The following TBC1D4 variants were observed in gnomAD, a reference collection of about 807,000 sequenced individuals.
The protein encoded by TBC1D4 is TBC1 domain family member 4.
Under a neutral mutation model 142.5 loss-of-function variants are expected in TBC1D4, and 121 were observed. The ratio of observed to expected loss-of-function variants is 0.85; its 90% CI spans 0.73 to 0.99. The LOEUF (loss-of-function observed/expected upper bound fraction) is 0.99, where lower values mean the gene tolerates loss of function less well. Among genes scored for constraint, TBC1D4 ranks in the 50% least tolerant of loss-of-function variants. The pLI is 0.00. For synonymous variants in TBC1D4, 630 were observed against 628.2 expected, an observed-to-expected ratio of 1.00 and a Z score of -0.04; for missense variants, 1,475 against 1,606.6, an observed-to-expected ratio of 0.92 and a Z score of 1.40.
At chr13:75,459,249 A>T (rs1008249779) in intron 1 of TBC1D4, among the ~76,000 whole-genome samples, 1 of 152,084 alleles carries the variant, frequency 6.6e-6, no homozygotes, top group Admixed American at 6.5e-5. Context: ...CTGCTCTTCA[A>T]ACTTCCCTGC....
intron 3 of TBC1D4, among the ~76,000 whole-genome samples, chr13:75,358,051 G>T (rs1386205552): frequency 6.6e-6 from 1 of 151,836 alleles, no homozygotes; most frequent in African/African-American, 2.4e-5. Context: ...TTCTCACCAG[G>T]AGGCTTGAGG....
At chr13:75,377,715 TA>T (rs1883598723) in intron 1 of TBC1D4, among the ~76,000 whole-genome samples, 2 of 148,972 alleles carry the variant, frequency 1.3e-5, no homozygotes, top group Admixed American at 1.3e-4. Context: ...TATATATATA[TA>T]TTTTCTGATT....
chr13:75,383,596 T>C (rs1883989346), intron 1 of TBC1D4, among the ~76,000 whole-genome samples: 1 of 152,214 alleles, frequency 6.6e-6, no homozygotes, highest in South Asian at 2.1e-4. Context: ...CACATTCACA[T>C]AATTTTTATT....
rs1874578572 is a variant in TBC1D4 at position 75,285,444 on chromosome 13, A to G, written c.*1348T>C. On this transcript the variant is annotated 3_prime_UTR_variant, in exon 21 of 21. Transcript: ENST00000377636. ...GCAAAAATGCTGCATCAACTTTCAG[A>G]GGCACTATCATAGAATCATCTCTGA... The G allele has an allele frequency of 6.6e-6, 1 of 152,310 alleles. No homozygotes were observed. The highest frequency in any genetic ancestry group is 2.4e-5 in the African/African-American group (1 of 41,470). The allele number at this position is 152,310 out of a possible 1,614,324, so 9.4% of individuals were successfully genotyped here.
chr13:75,351,357 T>C (rs1881568762), intron 4 of TBC1D4, among the ~76,000 whole-genome samples: 1 of 152,118 alleles, frequency 6.6e-6, no homozygotes, highest in Non-Finnish European at 1.5e-5. Flanking sequence ...CAATAAAGAA[T>C]GGCATCAATC....
intron 4 of TBC1D4, among the ~76,000 whole-genome samples, chr13:75,355,546 C>G (rs149642735): frequency 2.6e-5 from 4 of 152,126 alleles, no homozygotes; most frequent in Non-Finnish European, 5.9e-5. Flanking sequence ...CACAGCTCTA[C>G]GAATCTCTCC....
chr13:75,323,087 TTAAC>T (rs1455595120), intron 11 of TBC1D4, among the ~76,000 whole-genome samples: 3 of 152,172 alleles, frequency 2.0e-5, no homozygotes, highest in African/African-American at 7.2e-5. Flanking sequence ...TTAGTCTACT[TTAAC>T]TAGTGAGTGA....
chr13:75,410,161 T>A (rs569804806), intron 1 of TBC1D4, among the ~76,000 whole-genome samples: 2 of 152,324 alleles, frequency 1.3e-5, no homozygotes, highest in African/African-American at 2.4e-5. Context: ...CAATAAATGG[T>A]ACCTATAATT....
chr13:75,452,637 A>C (rs1887576782), intron 1 of TBC1D4, among the ~76,000 whole-genome samples: 1 of 152,244 alleles, frequency 6.6e-6, no homozygotes, highest in African/African-American at 2.4e-5. Context: ...TTGCATAACC[A>C]TTCCACAGAA....
At position 75,334,293 on chromosome 13, in the gene TBC1D4, A is replaced by G. The variant is rs1387735491; in HGVS notation, c.1731+2628T>C. Among the ~76,000 whole-genome samples the G allele has an allele frequency of 7.2e-5, 11 of 152,046 alleles. No individual in the cohort carries two copies. In the South Asian group the frequency reaches 1.9e-3, roughly 26 times the overall value. On this transcript the variant is annotated intron_variant, in intron 8 of 20. Transcript: ENST00000377636. Reference sequence around the variant, plus strand: ...GACACGTCACCATTTTTCTTTGAATATTTTCCTACTATCTAAAACACCAAG... The same window carrying G: ...GACACGTCACCATTTTTCTTTGAATGTTTTCCTACTATCTAAAACACCAAG...
chr13:75,419,500 G>T (rs569119841), intron 1 of TBC1D4, among the ~76,000 whole-genome samples: 2 of 152,062 alleles, frequency 1.3e-5, no homozygotes, highest in Non-Finnish European at 2.9e-5. Flanking sequence ...GGCATACCTC[G>T]AAGTTGTATA....
At chr13:75,305,410 G>T (rs535633253) in intron 15 of TBC1D4, among the ~76,000 whole-genome samples, 2 of 152,146 alleles carry the variant, frequency 1.3e-5, no homozygotes, top group Non-Finnish European at 2.9e-5. Flanking sequence ...GCCAAAAAAT[G>T]GTGTGATCTA....
intron 1 of TBC1D4, among the ~76,000 whole-genome samples, chr13:75,418,962 C>T (rs1231138859): frequency 6.6e-6 from 1 of 152,176 alleles, no homozygotes; most frequent in African/African-American, 2.4e-5. Context: ...GGACCAAAAA[C>T]CACATGTGGG....
chr13:75,434,851 A>G (rs1297306385), intron 1 of TBC1D4, among the ~76,000 whole-genome samples: 2 of 151,366 alleles, frequency 1.3e-5, no homozygotes, highest in African/African-American at 4.9e-5. Context: ...TTCAATTAAA[A>G]CATACACAAT....
intron 1 of TBC1D4, among the ~76,000 whole-genome samples, chr13:75,365,496 A>G (rs887970764): frequency 9.9e-5 from 15 of 152,206 alleles, no homozygotes; most frequent in African/African-American, 3.6e-4. Flanking sequence ...AATCATGAAA[A>G]TCTTGTATTG....
chr13:75,392,229 T>A (rs1036527107), intron 1 of TBC1D4, among the ~76,000 whole-genome samples: 1 of 152,218 alleles, frequency 6.6e-6, no homozygotes, highest in South Asian at 2.1e-4. Context: ...TATTTTAAAA[T>A]GCACACAAAA....
At chr13:75,289,826 T>TCCTA (rs1178148835) in intron 19 of TBC1D4, among the ~76,000 whole-genome samples, 1 of 152,104 alleles carries the variant, frequency 6.6e-6, no homozygotes. Context: ...ACTCCAAACT[T>TCCTA]CCTAGGGGGA....
chr13:75,332,130 G>C (rs1017858113), intron 8 of TBC1D4, among the ~76,000 whole-genome samples: 1 of 152,192 alleles, frequency 6.6e-6, no homozygotes, highest in African/African-American at 2.4e-5. Flanking sequence ...GGCACTGCAA[G>C]TATTATGCAG....
intron 18 of TBC1D4, 98 bp from the exon 19 acceptor site, chr13:75,292,369 G>A (rs1439873925): frequency 4.7e-6 from 5 of 1,064,104 alleles, no homozygotes; most frequent in Admixed American, 4.8e-5. Flanking sequence ...CTTGTTTTAT[G>A]TATTTTGCAG....
Sources: allele counts gnomAD v4.1 joint callset (sites outside exome capture counted in the v4.1 genomes callset), GRCh38; gene constraint gnomAD v4.1.1; transcripts MANE v1.5; gene names NCBI Gene and HGNC (gene_info 2026-07-23, HGNC 2026-07-21).